Variants in CAMTA1 observed in about 807,000 individuals in gnomAD.
CAMTA1 encodes the protein calmodulin-binding transcription activator 1.
A neutral mutation model predicts 170.9 loss-of-function variants in CAMTA1; 27 were observed. That is an observed-to-expected ratio of 0.16 (90% CI 0.12 to 0.22). The LOEUF (loss-of-function observed/expected upper bound fraction) is 0.22, where lower values mean the gene tolerates loss of function less well. Among genes scored for constraint, CAMTA1 ranks in the 10% least tolerant of loss-of-function variants. The pLI is 1.00. For missense variants in CAMTA1, 1,619 were observed against 2,217.2 expected, an observed-to-expected ratio of 0.73 and a Z score of 5.42; for synonymous variants, 833 against 891.5, an observed-to-expected ratio of 0.93 and a Z score of 1.17.
chr1:6,832,010 TG>T (rs1484132676), intron 3 of CAMTA1, among the ~76,000 whole-genome samples: 26 of 152,104 alleles, frequency 1.7e-4, no homozygotes, highest in Admixed American at 1.7e-3. Context: ...GTAAGAAAAA[TG>T]GCCTTTAACA....
intron 3 of CAMTA1, among the ~76,000 whole-genome samples, chr1:7,043,365 G>A (rs1282732548): frequency 2.7e-5 from 2 of 74,734 alleles, no homozygotes; most frequent in Admixed American, 2.1e-4. Flanking sequence ...GTGTGTGCAT[G>A]TCTCTGTGTG....
intron 5 of CAMTA1, among the ~76,000 whole-genome samples, chr1:7,462,640 T>C (rs182777244): frequency 2.0e-5 from 3 of 152,264 alleles, no homozygotes; most frequent in Admixed American, 2.0e-4. Flanking sequence ...AGAAGAATAC[T>C]CATGACACTT....
chr1:6,919,050 T>G (rs1331903504), intron 3 of CAMTA1, among the ~76,000 whole-genome samples: 1 of 152,196 alleles, frequency 6.6e-6, no homozygotes, highest in Non-Finnish European at 1.5e-5. Flanking sequence ...CTTTCTGTTT[T>G]GTGACCTGAA....
Position 7,562,301 on chromosome 1 carries a change from T to C in CAMTA1, c.511-78099T>C, listed in dbSNP as rs1341100613. ...ATGGTGTTTTGCCTTGGTTTGAATA[T>C]GTAAAGGCACTAAGCTGTTTAATTC... On this transcript the variant is annotated intron_variant, in intron 6 of 22. Coordinates refer to ENST00000303635, the MANE Select transcript of CAMTA1 (RefSeq NM_015215.4). This position sits in a 1 kb window ranked among gnomAD's most constrained non-coding sequence, Gnocchi z 4.8. Among the ~76,000 whole-genome samples the C allele has an allele frequency of 1.3e-5, 2 of 152,244 alleles. No individual in the cohort carries two copies. Among genetic ancestry groups the C allele is most frequent in the African/African-American group, 2.4e-5 (1 of 41,474 alleles).
At chr1:7,264,383 A>G (rs139405573) in intron 5 of CAMTA1, among the ~76,000 whole-genome samples, 89 of 152,304 alleles carry the variant, frequency 5.8e-4, no homozygotes, top group African/African-American at 2.0e-3. Flanking sequence ...GATGGAAGCC[A>G]TGCCTGTGAT....
intron 5 of CAMTA1, among the ~76,000 whole-genome samples, chr1:7,439,989 A>C (rs2092469995): frequency 6.6e-6 from 1 of 152,250 alleles, no homozygotes; most frequent in Admixed American, 6.5e-5. Flanking sequence ...GAGGCCCAGC[A>C]GGCCTGTCTC....
chr1:6,959,988 C>T (rs1401666176), intron 3 of CAMTA1, among the ~76,000 whole-genome samples: 1 of 152,156 alleles, frequency 6.6e-6, no homozygotes. Context: ...TCATTGTATC[C>T]CCATAGCAAC....
intron 4 of CAMTA1, among the ~76,000 whole-genome samples, chr1:7,181,532 G>A (rs1214230655): frequency 1.3e-5 from 2 of 152,134 alleles, no homozygotes; most frequent in Non-Finnish European, 2.9e-5. Flanking sequence ...AAATCATTAT[G>A]GTAGCAGGAA....
chr1:7,680,593 C>T lies in CAMTA1; in HGVS notation c.2914+2860C>T, dbSNP rs935460962. On this transcript the variant is annotated intron_variant, in intron 11 of 22. Transcript: ENST00000303635. The surrounding 1 kb of genome is among the most constrained non-coding windows in gnomAD (Gnocchi z 4.4). ...CCGCGGGACTAGGAAGGCCTGAGCC[C>T]GGCCACCCGCCTCCGAGTGCGCCGC... Among the ~76,000 whole-genome samples the T allele has an allele frequency of 3.3e-5, 5 of 151,926 alleles. No homozygotes were observed. The highest frequency in any genetic ancestry group is 1.2e-4 in the African/African-American group (5 of 41,416).
At chr1:7,330,906 G>A (rs955657305) in intron 5 of CAMTA1, among the ~76,000 whole-genome samples, 8 of 152,110 alleles carry the variant, frequency 5.3e-5, no homozygotes, top group East Asian at 1.9e-4. Flanking sequence ...GTCAGGCTGC[G>A]GCCACATCGT....
intron 6 of CAMTA1, among the ~76,000 whole-genome samples, chr1:7,574,549 C>T (rs1029498772): frequency 1.3e-5 from 2 of 152,298 alleles, no homozygotes; most frequent in African/African-American, 2.4e-5. Flanking sequence ...TCACTGGGCA[C>T]GGGCCACGAT....
intron 5 of CAMTA1, among the ~76,000 whole-genome samples, chr1:7,377,358 G>A (rs1019515969): frequency 4.6e-5 from 7 of 152,182 alleles, no homozygotes; most frequent in African/African-American, 1.7e-4. Context: ...CCAAGAGTCC[G>A]GCCCTGTCCT....
At position 7,670,897 on chromosome 1, in the gene CAMTA1, T is replaced by C; in HGVS notation, c.2653-14T>C. ...CTCACACTCCAACTCTGTTCCCCTCTCTGTTCTCTGCAGGGAGGAGTGAAG... is the reference window on the plus strand; with the variant it reads ...CTCACACTCCAACTCTGTTCCCCTCCCTGTTCTCTGCAGGGAGGAGTGAAG... On this transcript the variant is annotated splice_polypyrimidine_tract_variant and intron_variant, in intron 9 of 22. Transcript: ENST00000303635. 1 of 1,613,264 alleles carries C rather than the reference T, an allele frequency of 6.2e-7. No individual in the cohort carries two copies. Among genetic ancestry groups the C allele is most frequent in the Non-Finnish European group, 8.5e-7 (1 of 1,179,720 alleles).
intron 6 of CAMTA1, among the ~76,000 whole-genome samples, chr1:7,533,982 C>G (rs900450276): frequency 2.0e-5 from 3 of 152,076 alleles, no homozygotes; most frequent in African/African-American, 2.4e-5. Flanking sequence ...GAGCAGGGCC[C>G]TTCTGGATGC....
intron 11 of CAMTA1, among the ~76,000 whole-genome samples, chr1:7,691,825 G>A (rs749486712): frequency 1.1e-3 from 165 of 152,188 alleles, no homozygotes; most frequent in Non-Finnish European, 1.5e-3. Context: ...GGGTGTGGAG[G>A]AAATTGATAA....
At chr1:7,192,963 C>G (rs1465854987) in intron 4 of CAMTA1, among the ~76,000 whole-genome samples, 1 of 152,154 alleles carries the variant, frequency 6.6e-6, no homozygotes, top group Non-Finnish European at 1.5e-5. Context: ...GAGCTTGTAG[C>G]CAGGTGGCAC....
rs185383567 is a variant in CAMTA1, at chr1:7,755,230, G to C, written c.4959-408G>C. ...TAATCCCAGCTACTTGGGAGGCTGGGGCAGGAGAATCTCTTGAACCTGGGA... is the reference window on the plus strand; with the variant it reads ...TAATCCCAGCTACTTGGGAGGCTGGCGCAGGAGAATCTCTTGAACCTGGGA... On this transcript the variant is annotated intron_variant, in intron 21 of 22. Transcript: ENST00000303635. 4.7e-3 allele frequency among the ~76,000 whole-genome samples: 706 copies of C among 151,438 alleles called. 6 individuals carry two copies. The highest frequency in any genetic ancestry group is 0.011 in the South Asian group (52 of 4,790).
chr1:7,766,580 C>A lies in CAMTA1; in HGVS notation c.*89C>A. The A allele has an allele frequency of 1.0e-6, 1 of 969,514 alleles. No homozygotes were observed. Among genetic ancestry groups the A allele is most frequent in the Non-Finnish European group, 1.7e-6 (1 of 600,082 alleles). 60.1% of individuals were successfully genotyped at this position (969,514 alleles called of 1,614,324 possible). On this transcript the variant is annotated 3_prime_UTR_variant, in exon 23 of 23. Transcript: ENST00000303635. ...TTAGCAGAGACATGCAACAACAACA[C>A]ACACGCACACACGCACACACACACA...
At chr1:7,538,727 AG>A (rs1179650946) in intron 6 of CAMTA1, among the ~76,000 whole-genome samples, 1 of 152,206 alleles carries the variant, frequency 6.6e-6, no homozygotes, top group Non-Finnish European at 1.5e-5. Flanking sequence ...ATTACGATGT[AG>A]GGGTGGGGGT....
Sources: allele counts gnomAD v4.1 joint callset (sites outside exome capture counted in the v4.1 genomes callset), GRCh38; gene constraint gnomAD v4.1.1; non-coding constraint Gnocchi (gnomAD v3.1); transcripts MANE v1.5; gene names NCBI Gene and HGNC (gene_info 2026-07-23, HGNC 2026-07-21).